Variants in RIMKLB observed in about 807,000 individuals in gnomAD.
RIMKLB encodes ribosomal modification protein rimK like family member B, also known as beta-citrylglutamate synthase B.
A neutral mutation model predicts 32.0 loss-of-function variants in RIMKLB; 7 were observed. The observed-to-expected ratio is 0.22, with a 90% CI of 0.12 to 0.41. The LOEUF (loss-of-function observed/expected upper bound fraction) is 0.41, where lower values mean the gene tolerates loss of function less well. Among genes scored for constraint, RIMKLB ranks in the 10% least tolerant of loss-of-function variants. RIMKLB has a pLI of 1.00. For synonymous variants in RIMKLB, 172 were observed against 185.1 expected (o/e 0.93, Z 0.57); for missense variants, 289 against 498.7 (o/e 0.58, Z 4.00).
At chr12:8,698,715 C>CCGCCGCTCCTCA (rs11275581) in intron 1 of RIMKLB, among the ~76,000 whole-genome samples, 1 of 151,412 alleles carries the variant, frequency 6.6e-6, no homozygotes, top group African/African-American at 2.4e-5. Flanking sequence ...CCTCCCCCCC[C>CCGCCGCTCCTCA]TTCCCACAAA....
intron 2 of RIMKLB, chr12:8,742,510 G>T: frequency 2.4e-6 from 1 of 411,404 alleles, no homozygotes; most frequent in East Asian, 7.5e-5. Flanking sequence ...ACCCACTTAG[G>T]GGGCACCACC....
chr12:8,769,253 C>CA (rs1215547186), intron 5 of RIMKLB, among the ~76,000 whole-genome samples: 2 of 151,930 alleles, frequency 1.3e-5, no homozygotes, highest in Non-Finnish European at 2.9e-5. Flanking sequence ...CTAATGTTGT[C>CA]AGAGAATGTG....
At chr12:8,674,221 T>TCTTTTTTTTTTTTTTTTC in the RIMKLB span, among the ~76,000 whole-genome samples, 4 of 144,992 alleles carry the variant, frequency 2.8e-5, no homozygotes, top group Non-Finnish European at 4.5e-5. Flanking sequence ...TTCTCACAAT[T>TCTTTTTTTTTTTTTTTTC]CTTTTTTTTT....
chr12:8,671,152 C>T, the RIMKLB span, among the ~76,000 whole-genome samples: 5 of 152,164 alleles, frequency 3.3e-5, no homozygotes, highest in South Asian at 1.0e-3. Flanking sequence ...GGCCCGGAGA[C>T]ATTTTCCCCA....
In RIMKLB at chr12:8,782,739, C is replaced by T. The variant is rs924589123; in HGVS notation, c.*298-173C>T. ...AGAGTATATCTTTGTTAACTGAGCT[C>T]ACCAAGACAAAGTGATAATAACACA... is the stretch of plus-strand genomic sequence containing the variant. On this transcript the variant is annotated intron_variant, in intron 7 of 7. Coordinates refer to the RIMKLB transcript ENST00000619374. 1.5e-4 allele frequency among the ~76,000 whole-genome samples: 23 copies of T among 152,136 alleles called. No homozygotes were observed. In the East Asian group the frequency reaches 4.4e-3, roughly 29 times the overall value.
chr12:8,684,332 C>T (rs932817381), intron 1 of RIMKLB, among the ~76,000 whole-genome samples: 1 of 151,992 alleles, frequency 6.6e-6, no homozygotes, highest in Non-Finnish European at 1.5e-5. Flanking sequence ...GCCACCACAC[C>T]CAACTAATTT....
intron 2 of RIMKLB, among the ~76,000 whole-genome samples, chr12:8,720,579 G>A (rs1422057019): frequency 3.9e-5 from 6 of 152,172 alleles, no homozygotes; most frequent in Non-Finnish European, 8.8e-5. Flanking sequence ...TTTGGCTCTT[G>A]TCGCCCAGGC....
At position 8,774,219 on chromosome 12, in the gene RIMKLB, A is replaced by C. The variant is rs749557493; in HGVS notation, c.*435A>C. Reference sequence around the variant, plus strand: ...TGAGGAAAACATCTGCATAAATTACAGGAATTTTTGTATTATACAGCTCTG... The same window carrying C: ...TGAGGAAAACATCTGCATAAATTACCGGAATTTTTGTATTATACAGCTCTG... On this transcript the variant is annotated 3_prime_UTR_variant, in exon 6 of 6. Transcript: ENST00000535829. The C allele has an allele frequency of 1.0e-6, 1 of 978,830 alleles. No homozygotes were observed. Among genetic ancestry groups the C allele is most frequent in the South Asian group, 4.7e-5 (1 of 21,356 alleles). The allele number at this position is 978,830 out of a possible 1,614,324, so 60.6% of individuals were successfully genotyped here. A position where few individuals can be genotyped will look rare whatever the true frequency, so the allele number is the denominator to read the frequency against.
At chr12:8,685,535 ATTC>A (rs1373891877) in intron 1 of RIMKLB, among the ~76,000 whole-genome samples, 1 of 152,136 alleles carries the variant, frequency 6.6e-6, no homozygotes, top group African/African-American at 2.4e-5. Context: ...GTGGTATATA[ATTC>A]TTTTTATTAA....
At chr12:8,712,561 TA>T (rs1944462153) in intron 1 of RIMKLB, among the ~76,000 whole-genome samples, 1 of 152,236 alleles carries the variant, frequency 6.6e-6, no homozygotes, top group Non-Finnish European at 1.5e-5. Context: ...CCTGCTTGTT[TA>T]ACAGAGACTT....
chr12:8,760,653 G>C (rs374977115), intron 5 of RIMKLB, among the ~76,000 whole-genome samples: 2 of 144,706 alleles, frequency 1.4e-5, no homozygotes, highest in South Asian at 4.5e-4. Flanking sequence ...GTGTGAGATG[G>C]TATCTTATTG....
intron 1 of RIMKLB, among the ~76,000 whole-genome samples, chr12:8,689,349 G>T (rs982922383): frequency 9.2e-5 from 14 of 152,196 alleles, no homozygotes; most frequent in Admixed American, 2.6e-4. Context: ...AGACGTCCTC[G>T]TTGGGAGCAG....
At chr12:8,763,366 G>A (rs1949694298) in intron 5 of RIMKLB, among the ~76,000 whole-genome samples, 1 of 152,222 alleles carries the variant, frequency 6.6e-6, no homozygotes, top group Admixed American at 6.5e-5. Flanking sequence ...TTAGGGCCTG[G>A]AAAGCCGCTT....
rs138471295 is a variant in RIMKLB at position 8,740,061 on chromosome 12, G to T, written c.176-9801G>T. 5.2e-4 allele frequency among the ~76,000 whole-genome samples: 79 copies of T among 152,090 alleles called. No individual in the cohort carries two copies. In the East Asian group the frequency reaches 0.013, roughly 25 times the overall value. ...GCTGGGATTACAGACGCTCACCACTGCGTTTGGCTAATTTTTATATTTTTA... is the reference window on the plus strand; with the variant it reads ...GCTGGGATTACAGACGCTCACCACTTCGTTTGGCTAATTTTTATATTTTTA... On this transcript the variant is annotated intron_variant, in intron 2 of 5. Transcript: ENST00000535829.
intron 5 of RIMKLB, among the ~76,000 whole-genome samples, chr12:8,755,623 T>C (rs902859067): frequency 6.6e-6 from 1 of 152,198 alleles, no homozygotes; most frequent in African/African-American, 2.4e-5. Flanking sequence ...AGGGGTCTTC[T>C]TGCTTCTACC....
intron 2 of RIMKLB, among the ~76,000 whole-genome samples, chr12:8,728,304 G>T (rs146763694): frequency 6.6e-6 from 1 of 152,160 alleles, no homozygotes; most frequent in African/African-American, 2.4e-5. Flanking sequence ...TGTATTTTTT[G>T]GTTGAAAGGT....
At chr12:8,716,460 A>G (rs1246836838) in intron 2 of RIMKLB, among the ~76,000 whole-genome samples, 2 of 128,506 alleles carry the variant, frequency 1.6e-5, no homozygotes, top group Admixed American at 8.2e-5. Flanking sequence ...TTTTTAATTC[A>G]CAAGAGCCAG....
At chr12:8,746,275 T>C (rs1948079136) in intron 2 of RIMKLB, among the ~76,000 whole-genome samples, 2 of 151,704 alleles carry the variant, frequency 1.3e-5, no homozygotes, top group Admixed American at 1.3e-4. Context: ...CTCTTTAGAT[T>C]TGCTTATCTA....
At chr12:8,748,720 C>T (rs1948366122) in intron 2 of RIMKLB, among the ~76,000 whole-genome samples, 1 of 151,662 alleles carries the variant, frequency 6.6e-6, no homozygotes, top group South Asian at 2.1e-4. Context: ...AGGCAGATCA[C>T]AATGTCAGAA....
Sources: allele counts gnomAD v4.1 joint callset (sites outside exome capture counted in the v4.1 genomes callset), GRCh38; gene constraint gnomAD v4.1.1; transcripts MANE v1.5; gene names NCBI Gene and HGNC (gene_info 2026-07-23, HGNC 2026-07-21).